Variants in CLIP2 observed in about 807,000 individuals in gnomAD.
CLIP2 encodes the protein CAP-Gly domain-containing linker protein 2.
Under a neutral mutation model 111.7 loss-of-function variants are expected in CLIP2, and 41 were observed. The observed-to-expected ratio is 0.37, with a 90% CI of 0.29 to 0.48. CLIP2 has a LOEUF of 0.48. Among genes scored for constraint, CLIP2 ranks in the 20% least tolerant of loss-of-function variants. The pLI, the probability that CLIP2 is intolerant of heterozygous loss-of-function variation, is 0.99. For synonymous variants in CLIP2, 660 were observed against 644.2 expected (o/e 1.02, Z -0.37); for missense variants, 1,160 against 1,422.1 (o/e 0.82, Z 2.96).
chr7:74,377,420 A>C lies in CLIP2; in HGVS notation c.2421+598A>C, dbSNP rs148979816. 6.6e-5 allele frequency among the ~76,000 whole-genome samples: 10 copies of C among 152,216 alleles called. No individual in the cohort carries two copies. The East Asian group carries it at 1.9e-3, about 29-fold the overall frequency. On this transcript the variant is annotated intron_variant, in intron 10 of 16. Coordinates refer to ENST00000223398, the MANE Select transcript of CLIP2 (RefSeq NM_003388.5). ...TGTCACCAATGTCAATTTTGCTCCA[A>C]ATCTAGAAATTCCTTAAGCATCTAC...
chr7:74,315,597 G>A (rs1463934931), intron 1 of CLIP2, among the ~76,000 whole-genome samples: 1 of 151,052 alleles, frequency 6.6e-6, no homozygotes, highest in African/African-American at 2.4e-5. Flanking sequence ...TTGAGATGGA[G>A]CCTCACTCTG....
Position 74,404,837 on chromosome 7 carries a change from G to C in CLIP2, c.*989G>C, listed in dbSNP as rs1269090170. On this transcript the variant is annotated 3_prime_UTR_variant, in exon 17 of 17. Coordinates refer to ENST00000223398, the MANE Select transcript of CLIP2 (RefSeq NM_003388.5). ...CCACGTGTGCACGCATGACCGTGTGGGTGGCGGCGTTTGCTGTGAACCACG... is the reference window on the plus strand; with the variant it reads ...CCACGTGTGCACGCATGACCGTGTGCGTGGCGGCGTTTGCTGTGAACCACG... 1.3e-5 allele frequency: 2 copies of C among 152,148 alleles called. No individual in the cohort carries two copies. Among genetic ancestry groups the C allele is most frequent in the African/African-American group, 4.8e-5 (2 of 41,406 alleles). 9.4% of individuals were successfully genotyped at this position (152,148 alleles called of 1,614,324 possible).
intron 2 of CLIP2, among the ~76,000 whole-genome samples, chr7:74,331,520 C>G (rs368535591): frequency 2.7e-5 from 4 of 146,442 alleles, no homozygotes; most frequent in Admixed American, 6.8e-5. Flanking sequence ...CAATTTGTTT[C>G]TTTCTTTCTT....
In CLIP2 at chr7:74,331,205, CAAAAAAAAAAAA is replaced by C. The variant is rs58844348; in HGVS notation, c.122-7224_122-7213del. Among the ~76,000 whole-genome samples, 13 of 59,954 alleles carry C rather than the reference CAAAAAAAAAAAA, an allele frequency of 2.2e-4. No homozygotes were observed. The East Asian group carries it at 5.1e-3, about 24-fold the overall frequency. 39.3% of individuals were successfully genotyped at this position (59,954 alleles called of 152,430 possible). ...TGAGCGACAGAGTGAGACTCCATCT[CAAAAAAAAAAAA>C]AAAAAAAAAAAAAAAAAATTCAGGT... On this transcript the variant is annotated intron_variant, in intron 2 of 16. Coordinates refer to ENST00000223398, the MANE Select transcript of CLIP2 (RefSeq NM_003388.5).
chr7:74,404,155 C>A lies in CLIP2; in HGVS notation c.*307C>A. ...TGGAGGCAGAGGGGATCCGGCCAGG[C>A]CCCTCTGTCCAGAAGGAGCTGCCCT... On this transcript the variant is annotated 3_prime_UTR_variant, in exon 17 of 17. Coordinates refer to ENST00000223398, the MANE Select transcript of CLIP2 (RefSeq NM_003388.5). 2.4e-6 allele frequency: 1 copy of A among 419,604 alleles called. No homozygotes were observed. The highest frequency in any genetic ancestry group is 2.4e-5 in the South Asian group (1 of 41,690). The allele number at this position is 419,604 out of a possible 1,614,324, so 26.0% of individuals were successfully genotyped here.
At chr7:74,318,307 G>A (rs1788845869) in intron 2 of CLIP2, among the ~76,000 whole-genome samples, 3 of 152,140 alleles carry the variant, frequency 2.0e-5, no homozygotes, top group African/African-American at 7.2e-5. Flanking sequence ...TTGGAGGTGT[G>A]CGGGGAGTTT....
chr7:74,303,308 G>A (rs953577859), intron 1 of CLIP2, among the ~76,000 whole-genome samples: 30 of 152,320 alleles, frequency 2.0e-4, no homozygotes, highest in Middle Eastern at 6.8e-3. Context: ...AGTGGGGTCC[G>A]TGGAGCAGGT....
intron 1 of CLIP2, among the ~76,000 whole-genome samples, chr7:74,307,263 G>A (rs573018199): frequency 1.3e-5 from 2 of 152,300 alleles, no homozygotes; most frequent in South Asian, 4.1e-4. Context: ...AGAGGCCAGG[G>A]GGCTCACAAA....
chr7:74,353,831 G>A (rs782433863), intron 3 of CLIP2, 49 bp from the exon 4 acceptor site: 1 of 1,613,652 alleles, frequency 6.2e-7, no homozygotes, highest in East Asian at 2.2e-5. Flanking sequence ...TGCCATCTCT[G>A]CCTGTGCCAC....
chr7:74,329,763 T>TTTTA (rs1789222521), intron 2 of CLIP2, among the ~76,000 whole-genome samples: 1 of 126,424 alleles, frequency 7.9e-6, no homozygotes, highest in Non-Finnish European at 1.8e-5. Flanking sequence ...CTCTTGGTTA[T>TTTTA]TTTATTTATC....
chr7:74,312,676 A>G (rs944126289), intron 1 of CLIP2, among the ~76,000 whole-genome samples: 12 of 151,804 alleles, frequency 7.9e-5, no homozygotes, highest in Admixed American at 1.3e-4. Context: ...AGCATGATTG[A>G]CTCCCGGCCC....
At chr7:74,325,801 C>T (rs140434820) in intron 2 of CLIP2, among the ~76,000 whole-genome samples, 7,741 of 151,982 alleles carry the variant, frequency 0.051, 429 homozygotes, top group East Asian at 0.26. Flanking sequence ...CATTGCACTT[C>T]AGCCTGGGCA....
chr7:74,372,595 G>GC (rs1329744256), intron 8 of CLIP2, among the ~76,000 whole-genome samples: 3 of 151,722 alleles, frequency 2.0e-5, no homozygotes, highest in Admixed American at 1.3e-4. Context: ...TTGGGGGTTG[G>GC]GGGGGACAGA....
At position 74,365,704 on chromosome 7, in the gene CLIP2, G is replaced by A. The variant is rs537518184; in HGVS notation, c.1380+1389G>A. 5.3e-4 allele frequency among the ~76,000 whole-genome samples: 80 copies of A among 152,272 alleles called. 3 individuals are homozygous for A. Among genetic ancestry groups the A allele is most frequent in the Middle Eastern group, 3.4e-3 (1 of 294 alleles). On this transcript the variant is annotated intron_variant, in intron 8 of 16. Coordinates refer to ENST00000223398, the MANE Select transcript of CLIP2 (RefSeq NM_003388.5). Reference sequence around the variant, plus strand: ...CAAACTGAATTGTGATCATATTCATGGCAACCAGAAGGCAAAATGACCAAA... The same window carrying A: ...CAAACTGAATTGTGATCATATTCATAGCAACCAGAAGGCAAAATGACCAAA...
At chr7:74,398,890 C>G (rs147597650) in intron 14 of CLIP2, among the ~76,000 whole-genome samples, 2 of 152,180 alleles carry the variant, frequency 1.3e-5, no homozygotes, top group African/African-American at 2.4e-5. Flanking sequence ...TGTAGGAGTG[C>G]GCAGTGCTGA....
At position 74,386,611 on chromosome 7, in the gene CLIP2, C is replaced by G; in HGVS notation, c.2563+7C>G. 1 of 1,599,708 alleles carries G rather than the reference C, an allele frequency of 6.3e-7. No individual in the cohort carries two copies. The highest frequency in any genetic ancestry group is 8.5e-7 in the Non-Finnish European group (1 of 1,174,314). ...CTCAGGGCCCAAGTAAGTGGTAAGT[C>G]TCCCTCCCGCAGGGCAGATGCGGGG... On this transcript the variant is annotated splice_region_variant and intron_variant, in intron 12 of 16. Transcript: ENST00000223398.
At chr7:74,334,782 C>A (rs1266658014) in intron 2 of CLIP2, among the ~76,000 whole-genome samples, 1 of 149,900 alleles carries the variant, frequency 6.7e-6, no homozygotes, top group Admixed American at 6.7e-5. Flanking sequence ...AAGTTTGAGA[C>A]CAGCCTTACC....
intron 2 of CLIP2, among the ~76,000 whole-genome samples, chr7:74,318,768 G>A (rs1193814894): frequency 1.3e-5 from 2 of 152,130 alleles, no homozygotes; most frequent in African/African-American, 2.4e-5. Flanking sequence ...ATGCTGTGAT[G>A]AACATCTTTG....
intron 10 of CLIP2, chr7:74,380,417 G>C (rs1172497037): frequency 1.3e-5 from 2 of 158,406 alleles, no homozygotes; most frequent in African/African-American, 2.4e-5. Flanking sequence ...ATATTTGTTT[G>C]ATGGATGGGA....
Sources: gnomAD v4.1 joint callset for allele counts (sites outside exome capture counted in the v4.1 genomes callset) on GRCh38, gnomAD v4.1.1 for gene constraint, MANE v1.5 for transcripts, NCBI Gene and HGNC (gene_info 2026-07-23, HGNC 2026-07-21) for gene names.